KAZN: variants seen among roughly 807,000 people sequenced by gnomAD.
KAZN encodes kazrin, periplakin interacting protein.
Under a neutral mutation model 87.4 loss-of-function variants are expected in KAZN, and 40 were observed. That is an observed-to-expected ratio of 0.46 (90% CI 0.36 to 0.60). The LOEUF (loss-of-function observed/expected upper bound fraction) is 0.60. Ranked by LOEUF, KAZN falls within the 20% of genes least tolerant of loss-of-function variation. The pLI, the probability that KAZN is intolerant of heterozygous loss-of-function variation, is 0.00. For synonymous variants in KAZN, 466 were observed against 458.3 expected (o/e 1.02, Z -0.22); for missense variants, 898 against 1,073.9 (o/e 0.84, Z 2.29).
rs530145006 is a variant in KAZN at position 14,638,356 on chromosome 1, G to A, written c.226+39133G>A. Among the ~76,000 whole-genome samples, 55 of 152,128 alleles carry A rather than the reference G, an allele frequency of 3.6e-4. No individual in the cohort carries two copies. In the South Asian group the frequency reaches 0.011, roughly 30 times the overall value. On this transcript the variant is annotated intron_variant, in intron 1 of 14. Coordinates refer to ENST00000376030, the MANE Select transcript of KAZN (RefSeq NM_201628.3). The stretch of plus-strand genomic sequence containing the variant: ...GGCCGAGGCGGGCGGATCACCTGAG[G>A]TCAGAAGCTTGAGACCAGTCTGGCC...
chr1:14,403,324 A>AAATCTATTAGAAG (rs1243156121), intron 2 of KAZN, among the ~76,000 whole-genome samples: 1 of 152,228 alleles, frequency 6.6e-6, no homozygotes, highest in Non-Finnish European at 1.5e-5. Flanking sequence ...AGAAAACTTT[A>AAATCTATTAGAAG]AATCTATTAG....
chr1:14,952,871 A>G (rs190162540), intron 1 of KAZN, among the ~76,000 whole-genome samples: 7 of 152,262 alleles, frequency 4.6e-5, no homozygotes, highest in African/African-American at 1.4e-4. Flanking sequence ...CTCATGTAGA[A>G]CCTTCCGGAG....
intron 2 of KAZN, among the ~76,000 whole-genome samples, chr1:14,180,986 C>T (rs957827343): frequency 2.6e-5 from 4 of 152,178 alleles, no homozygotes; most frequent in Non-Finnish European, 4.4e-5. Flanking sequence ...ATTTGCTGTA[C>T]TCCTCCCGCC....
intron 2 of KAZN, among the ~76,000 whole-genome samples, chr1:14,519,039 A>G (rs75353629): frequency 0.037 from 5,640 of 152,280 alleles, 241 homozygotes; most frequent in East Asian, 0.17. Flanking sequence ...TTCCTTAGCC[A>G]TAGGTGAGGG....
intron 1 of KAZN, among the ~76,000 whole-genome samples, chr1:14,771,517 T>G (rs534098882): frequency 6.6e-6 from 1 of 152,194 alleles, no homozygotes; most frequent in African/African-American, 2.4e-5. Flanking sequence ...GTGTCCCTTT[T>G]GGTTGGGGAA....
At chr1:14,315,015 T>A (rs1591856) in intron 2 of KAZN, among the ~76,000 whole-genome samples, 63,060 of 151,898 alleles carry the variant, frequency 0.42, 13,795 homozygotes, top group African/African-American at 0.55. Flanking sequence ...TCCTTTATGT[T>A]GCTGAATACA....
rs370373208 is a variant in KAZN, at chr1:14,162,836, G to A, written c.92-17599G>A. On this transcript the variant is annotated intron_variant, in intron 1 of 16. Transcript: ENST00000636203. ...TGGGATTACAGGCGTGAGCCACCAC[G>A]CTTGGCCGGCTTTATCTTTATACAG... 1.2e-4 allele frequency among the ~76,000 whole-genome samples: 19 copies of A among 152,252 alleles called. No individual in the cohort carries two copies. The East Asian group carries it at 2.7e-3, about 22-fold the overall frequency.
At chr1:14,480,559 A>G (rs1197048159) in intron 2 of KAZN, among the ~76,000 whole-genome samples, 1 of 147,584 alleles carries the variant, frequency 6.8e-6, no homozygotes, top group South Asian at 2.1e-4. Flanking sequence ...ATATTTATGT[A>G]TATTTATAAA....
intron 1 of KAZN, among the ~76,000 whole-genome samples, chr1:14,736,493 T>C (rs979717642): frequency 1.4e-4 from 17 of 125,718 alleles, no homozygotes; most frequent in Non-Finnish European, 3.3e-5. Flanking sequence ...TTTTTTTTAG[T>C]AGAGACAAGG....
At chr1:14,823,481 G>A (rs1646795607) in intron 1 of KAZN, among the ~76,000 whole-genome samples, 1 of 152,096 alleles carries the variant, frequency 6.6e-6, no homozygotes, top group Non-Finnish European at 1.5e-5. Flanking sequence ...CCAAGTAGGA[G>A]GTATTTGGAA....
Position 14,404,994 on chromosome 1 carries a change from C to G in KAZN, c.250-193989C>G, listed in dbSNP as rs116055976. On this transcript the variant is annotated intron_variant, in intron 2 of 16. Coordinates refer to the KAZN transcript ENST00000636203. Reference sequence around the variant, plus strand: ...CTGGAATTCTATGCCTTTGTGCATTCTTTATGTTTTCTACATTGCATTAAG... The same window carrying G: ...CTGGAATTCTATGCCTTTGTGCATTGTTTATGTTTTCTACATTGCATTAAG... Among the ~76,000 whole-genome samples the G allele has an allele frequency of 2.2e-4, 33 of 152,242 alleles. No homozygotes were observed. In the East Asian group the frequency reaches 6.4e-3, roughly 29 times the overall value.
chr1:14,016,273 T>C (rs1172056832), intron 1 of KAZN, among the ~76,000 whole-genome samples: 1 of 152,234 alleles, frequency 6.6e-6, no homozygotes, highest in Non-Finnish European at 1.5e-5. Flanking sequence ...CATTCCGTGT[T>C]GTGCTAGGGA....
chr1:14,753,584 T>TA (rs199753799), intron 1 of KAZN, among the ~76,000 whole-genome samples: 23 of 150,756 alleles, frequency 1.5e-4, no homozygotes, highest in East Asian at 3.9e-4. Context: ...TACTTAAAAT[T>TA]AAAAAAAAAT....
chr1:14,318,071 C>T (rs1270540165), intron 2 of KAZN, among the ~76,000 whole-genome samples: 1 of 151,982 alleles, frequency 6.6e-6, no homozygotes, highest in Admixed American at 6.6e-5. Context: ...ATGTTATCAA[C>T]CTCCTGATAC....
chr1:14,943,007 G>GTGT (rs1553160466), intron 1 of KAZN, among the ~76,000 whole-genome samples: 4 of 100,846 alleles, frequency 4.0e-5, no homozygotes, highest in African/African-American at 8.7e-5. Flanking sequence ...GTGTGTGTGT[G>GTGT]GTGTGTGTGT....
intron 8 of KAZN, among the ~76,000 whole-genome samples, chr1:15,082,939 G>C (rs1640076918): frequency 6.6e-6 from 1 of 152,108 alleles, no homozygotes; most frequent in African/African-American, 2.4e-5. Flanking sequence ...ACCTACCTCT[G>C]CATTTTTAAC....
intron 1 of KAZN, among the ~76,000 whole-genome samples, chr1:14,727,233 C>T (rs973913062): frequency 4.6e-4 from 70 of 152,100 alleles, no homozygotes; most frequent in African/African-American, 1.4e-3. Flanking sequence ...GATGCAGATG[C>T]GGAGGAGAAC....
intron 1 of KAZN, among the ~76,000 whole-genome samples, chr1:14,043,678 A>G (rs1641937587): frequency 6.6e-6 from 1 of 152,084 alleles, no homozygotes; most frequent in Non-Finnish European, 1.5e-5. Context: ...TTTCAAAGGT[A>G]TGTGCTTACT....
chr1:14,607,628 G>A (rs1379497030), intron 1 of KAZN, among the ~76,000 whole-genome samples: 1 of 152,204 alleles, frequency 6.6e-6, no homozygotes, highest in Non-Finnish European at 1.5e-5. Context: ...TGTCTGGCCA[G>A]AGGTAAGAGG....
Sources: allele counts gnomAD v4.1 joint callset (sites outside exome capture counted in the v4.1 genomes callset), GRCh38; gene constraint gnomAD v4.1.1; transcripts MANE v1.5; gene names NCBI Gene and HGNC (gene_info 2026-07-23, HGNC 2026-07-21).